Variants in NRXN3 observed in about 807,000 individuals in gnomAD.
NRXN3 encodes the protein neurexin 3, also known as neurexin III.
Under a neutral mutation model 137.6 loss-of-function variants are expected in NRXN3, and 32 were observed. The ratio of observed to expected loss-of-function variants is 0.23; its 90% CI spans 0.18 to 0.31. The LOEUF is 0.31. Among genes scored for constraint, NRXN3 ranks in the 10% least tolerant of loss-of-function variants. The pLI, the probability that NRXN3 is intolerant of heterozygous loss-of-function variation, is 1.00. For synonymous variants in NRXN3, 798 were observed against 784.5 expected (o/e 1.02, Z -0.29); for missense variants, 1,574 against 2,062.5 (o/e 0.76, Z 4.59).
intron 15 of NRXN3, among the ~76,000 whole-genome samples, chr14:79,077,732 A>G (rs2046223061): frequency 2.0e-5 from 3 of 152,330 alleles, no homozygotes; most frequent in South Asian, 4.1e-4. Context: ...GACATTTTAT[A>G]TAACTATAAT....
At chr14:79,732,635 A>C (rs2098928171) in intron 19 of NRXN3, among the ~76,000 whole-genome samples, 1 of 152,202 alleles carries the variant, frequency 6.6e-6, no homozygotes, top group Non-Finnish European at 1.5e-5. Flanking sequence ...GGTTTCATTC[A>C]TTATGGCCCC....
At chr14:79,254,171 C>T (rs1468402465) in intron 15 of NRXN3, among the ~76,000 whole-genome samples, 2 of 152,076 alleles carry the variant, frequency 1.3e-5, no homozygotes, top group Non-Finnish European at 2.9e-5. Flanking sequence ...GGCCATCTTC[C>T]AAAAGTCCCC....
chr14:79,373,195 G>T (rs1376881712), intron 15 of NRXN3, among the ~76,000 whole-genome samples: 1 of 152,086 alleles, frequency 6.6e-6, no homozygotes, highest in Non-Finnish European at 1.5e-5. Flanking sequence ...GCTGTGACTT[G>T]CACCTACTAA....
chr14:78,325,102 G>A (rs2079890428), intron 4 of NRXN3, among the ~76,000 whole-genome samples: 1 of 152,030 alleles, frequency 6.6e-6, no homozygotes, highest in South Asian at 2.1e-4. Flanking sequence ...GAATTTCCTT[G>A]AGGACAATCT....
intron 15 of NRXN3, among the ~76,000 whole-genome samples, chr14:79,443,393 T>A (rs1245581881): frequency 6.6e-6 from 1 of 152,218 alleles, no homozygotes; most frequent in African/African-American, 2.4e-5. Flanking sequence ...GTAGTGGGTC[T>A]AAATAAGTAT....
At chr14:79,142,295 G>A (rs897309938) in intron 15 of NRXN3, among the ~76,000 whole-genome samples, 5 of 151,914 alleles carry the variant, frequency 3.3e-5, no homozygotes, top group East Asian at 1.9e-4. Context: ...GTGTGGTGGC[G>A]GGCACCTGTA....
chr14:79,577,691 A>G (rs550513239), intron 16 of NRXN3, among the ~76,000 whole-genome samples: 23 of 152,176 alleles, frequency 1.5e-4, no homozygotes, highest in Non-Finnish European at 2.6e-4. Flanking sequence ...TTATTTATCT[A>G]TGTGTCTTCA....
chr14:79,005,839 C>T (rs2099551430), intron 15 of NRXN3, among the ~76,000 whole-genome samples: 1 of 151,998 alleles, frequency 6.6e-6, no homozygotes, highest in South Asian at 2.1e-4. Context: ...TTTCTTAGAA[C>T]AGTGTCGGTC....
chr14:79,123,091 C>A (rs756547738), intron 15 of NRXN3, among the ~76,000 whole-genome samples: 7 of 152,092 alleles, frequency 4.6e-5, no homozygotes, highest in African/African-American at 7.2e-5. Flanking sequence ...GAGTGTGCAA[C>A]AATTCACTGT....
intron 16 of NRXN3, among the ~76,000 whole-genome samples, chr14:79,531,308 G>T (rs1046088680): frequency 6.6e-6 from 1 of 152,132 alleles, no homozygotes; most frequent in East Asian, 1.9e-4. Context: ...TGGAGGACGT[G>T]GAGTTTGTTG....
chr14:79,262,365 T>A (rs1236141591), intron 15 of NRXN3, among the ~76,000 whole-genome samples: 11 of 138,490 alleles, frequency 7.9e-5, no homozygotes, highest in South Asian at 2.3e-4. Context: ...AAAAGAAGGA[T>A]AAGAGGAAGA....
At chr14:78,761,333 A>G (rs1447053484) in intron 8 of NRXN3, among the ~76,000 whole-genome samples, 2 of 152,178 alleles carry the variant, frequency 1.3e-5, no homozygotes, top group Non-Finnish European at 2.9e-5. Context: ...GTCAAGATTA[A>G]TGATTCCTTG....
intron 15 of NRXN3, among the ~76,000 whole-genome samples, chr14:79,446,609 A>G (rs2096067795): frequency 6.6e-6 from 1 of 151,866 alleles, no homozygotes; most frequent in South Asian, 2.1e-4. Context: ...GGTACCTACT[A>G]ATCCTCCCTC....
intron 19 of NRXN3, 96 bp from the exon 20 acceptor site, chr14:79,805,016 A>T: frequency 2.5e-6 from 2 of 814,844 alleles, no homozygotes; most frequent in South Asian, 3.1e-5. Context: ...GATGGGACAC[A>T]GTGATAAATC....
At chr14:79,366,980 CT>C (rs71131695) in intron 15 of NRXN3, among the ~76,000 whole-genome samples, 2,008 of 113,160 alleles carry the variant, frequency 0.018, 15 homozygotes, top group African/African-American at 0.057. Flanking sequence ...GTCCCTTAGT[CT>C]TTTTTTTTTT....
intron 4 of NRXN3, among the ~76,000 whole-genome samples, chr14:78,420,796 A>T (rs904547355): frequency 2.0e-5 from 3 of 152,180 alleles, no homozygotes; most frequent in East Asian, 3.9e-4. Context: ...TTTTCATGCA[A>T]ACTGGTGGCT....
At chr14:78,695,270 T>A (rs2098214741) in intron 6 of NRXN3, 1 of 152,022 alleles carries the variant, frequency 6.6e-6, no homozygotes, top group South Asian at 2.1e-4. Flanking sequence ...CCTAACTTAA[T>A]CACATCTGTA....
chr14:79,354,627 A>G (rs57466656), intron 15 of NRXN3, among the ~76,000 whole-genome samples: 2 of 152,146 alleles, frequency 1.3e-5, no homozygotes, highest in Non-Finnish European at 2.9e-5. Flanking sequence ...TATTCAAGAA[A>G]TGGTAGCCAT....
intron 8 of NRXN3, among the ~76,000 whole-genome samples, chr14:78,797,553 A>C (rs982892577): frequency 6.6e-6 from 1 of 152,248 alleles, no homozygotes; most frequent in Non-Finnish European, 1.5e-5. Flanking sequence ...TACATATTGT[A>C]TATGTCTATT....
Sources: allele counts gnomAD v4.1 joint callset (sites outside exome capture counted in the v4.1 genomes callset), GRCh38; gene constraint gnomAD v4.1.1; transcripts MANE v1.5; gene names NCBI Gene and HGNC (gene_info 2026-07-23, HGNC 2026-07-21).